Variants in XKR4 observed in about 807,000 individuals in gnomAD.
The protein encoded by XKR4 is XK related 4, also known as XK-related protein 4.
A neutral mutation model predicts 53.9 loss-of-function variants in XKR4; 12 were observed. The observed-to-expected ratio is 0.22, with a 90% CI of 0.14 to 0.36. The LOEUF (loss-of-function observed/expected upper bound fraction) is 0.36. Ranked by LOEUF, XKR4 falls within the 10% of genes least tolerant of loss-of-function variation. The pLI is 1.00. For synonymous variants in XKR4, 354 were observed against 362.4 expected (o/e 0.98, Z 0.26); for missense variants, 799 against 859.5 (o/e 0.93, Z 0.88).
intron 1 of XKR4, among the ~76,000 whole-genome samples, chr8:55,267,898 C>T (rs1022056565): frequency 2.0e-5 from 3 of 152,110 alleles, no homozygotes; most frequent in African/African-American, 7.2e-5. Flanking sequence ...TGTTTGCTGA[C>T]CTGCTGAATA....
intron 2 of XKR4, among the ~76,000 whole-genome samples, chr8:55,411,608 A>C (rs775866395): frequency 5.3e-5 from 8 of 152,212 alleles, no homozygotes; most frequent in Non-Finnish European, 8.8e-5. Context: ...GTTGTGGAAA[A>C]GAGATGAGTG....
intron 1 of XKR4, among the ~76,000 whole-genome samples, chr8:55,197,230 C>G (rs914048418): frequency 4.6e-5 from 7 of 152,138 alleles, no homozygotes; most frequent in Non-Finnish European, 1.0e-4. Context: ...TTCCATATAT[C>G]TATAATCTGA....
At chr8:55,454,733 A>G in intron 2 of XKR4, 1 of 803,058 alleles carries the variant, frequency 1.2e-6, no homozygotes, top group South Asian at 1.4e-5. Flanking sequence ...CTGTTCCTGA[A>G]CACCTCCGCA....
At chr8:55,180,975 A>G (rs1817302616) in intron 1 of XKR4, among the ~76,000 whole-genome samples, 1 of 152,222 alleles carries the variant, frequency 6.6e-6, no homozygotes, top group Admixed American at 6.5e-5. Context: ...TGAATGAATG[A>G]TGCCAATGAT....
In XKR4 at chr8:55,141,835, G is replaced by C. The variant is rs993271921; in HGVS notation, c.806+38541G>C. ...AAATGAGTTGACTTGGACTGAATTGGGGCTTTGAATCAAGCAGCTCTAAGG... is the reference window on the plus strand; with the variant it reads ...AAATGAGTTGACTTGGACTGAATTGCGGCTTTGAATCAAGCAGCTCTAAGG... On this transcript the variant is annotated intron_variant, in intron 1 of 2. Coordinates refer to ENST00000327381, the MANE Select transcript of XKR4 (RefSeq NM_052898.2). 1.3e-4 allele frequency among the ~76,000 whole-genome samples: 20 copies of C among 152,100 alleles called. 1 individual carries two copies. The highest frequency in any genetic ancestry group is 6.8e-3 in the Middle Eastern group (2 of 292).
chr8:55,183,372 T>C (rs1169528989), intron 1 of XKR4, among the ~76,000 whole-genome samples: 1 of 151,840 alleles, frequency 6.6e-6, no homozygotes, highest in Non-Finnish European at 1.5e-5. Context: ...TACTTTTCTC[T>C]TATCACTTTT....
intron 1 of XKR4, among the ~76,000 whole-genome samples, chr8:55,217,796 A>G (rs7005782): frequency 0.79 from 119,248 of 151,894 alleles, 49,074 homozygotes; most frequent in Non-Finnish European, 0.92. Flanking sequence ...ATACACACAG[A>G]TAAATGCATT....
At position 55,279,931 on chromosome 8, in the gene XKR4, A is replaced by C. The variant is rs188121590; in HGVS notation, c.807-77747A>C. The stretch of plus-strand genomic sequence containing the variant: ...TTAAATGTAAACCAATGATCATGCG[A>C]GGCTGAGATGAATAAGGGTTGACAA... On this transcript the variant is annotated intron_variant, in intron 1 of 2. Transcript: ENST00000327381. Among the ~76,000 whole-genome samples, 12 of 152,340 alleles carry C rather than the reference A, an allele frequency of 7.9e-5. 1 individual carries two copies. The East Asian group carries it at 2.3e-3, about 29-fold the overall frequency.
At chr8:55,463,020 A>C (rs1292135875) in intron 2 of XKR4, among the ~76,000 whole-genome samples, 1 of 152,214 alleles carries the variant, frequency 6.6e-6, no homozygotes, top group Non-Finnish European at 1.5e-5. Flanking sequence ...CCACACTATA[A>C]TAATGCGAGA....
intron 1 of XKR4, among the ~76,000 whole-genome samples, chr8:55,144,892 C>G (rs905394754): frequency 2.1e-5 from 3 of 143,884 alleles, no homozygotes; most frequent in Non-Finnish European, 3.1e-5. Context: ...AGTGCAGTGG[C>G]GCAATCTTGG....
chr8:55,209,445 C>T (rs1454299911), intron 1 of XKR4, among the ~76,000 whole-genome samples: 3 of 152,114 alleles, frequency 2.0e-5, no homozygotes, highest in Non-Finnish European at 2.9e-5. Context: ...CTCCAGAGCC[C>T]GTGCGCTTAA....
At chr8:55,158,989 T>C (rs74368810) in intron 1 of XKR4, among the ~76,000 whole-genome samples, 4,625 of 152,298 alleles carry the variant, frequency 0.03, 181 homozygotes, top group East Asian at 0.12. Flanking sequence ...ATATGAATTT[T>C]AAACGTTTTT....
intron 1 of XKR4, among the ~76,000 whole-genome samples, chr8:55,186,467 A>T (rs981060850): frequency 6.6e-6 from 1 of 152,114 alleles, no homozygotes; most frequent in Non-Finnish European, 1.5e-5. Context: ...CATCCTGGCT[A>T]ACATGGTGAA....
intron 2 of XKR4, among the ~76,000 whole-genome samples, chr8:55,385,145 T>C (rs1804290432): frequency 6.6e-6 from 1 of 152,170 alleles, no homozygotes; most frequent in South Asian, 2.1e-4. Flanking sequence ...AAGAAAGATA[T>C]AGGAGTCATT....
At chr8:55,452,109 A>C in intron 2 of XKR4, 1 of 688,728 alleles carries the variant, frequency 1.5e-6, no homozygotes, top group Non-Finnish European at 2.6e-6. Context: ...GCCCAGGGTG[A>C]AGGAGAAGGT....
At chr8:55,388,783 A>T (rs1040766508) in intron 2 of XKR4, among the ~76,000 whole-genome samples, 1 of 152,206 alleles carries the variant, frequency 6.6e-6, no homozygotes, top group Non-Finnish European at 1.5e-5. Flanking sequence ...CAATTAAAGG[A>T]TAGTGAGCTC....
At chr8:55,286,707 G>A (rs1818912283) in intron 1 of XKR4, among the ~76,000 whole-genome samples, 1 of 152,202 alleles carries the variant, frequency 6.6e-6, no homozygotes, top group Admixed American at 6.5e-5. Context: ...CAGGGAGGCT[G>A]TGCCCTTTTC....
chr8:55,315,276 G>A (rs531535084), intron 1 of XKR4, among the ~76,000 whole-genome samples: 1 of 152,340 alleles, frequency 6.6e-6, no homozygotes, highest in South Asian at 2.1e-4. Context: ...GGCACTAAAT[G>A]TCAGGTGTTC....
chr8:55,426,694 G>T (rs1805019667), intron 2 of XKR4, among the ~76,000 whole-genome samples: 2 of 152,114 alleles, frequency 1.3e-5, no homozygotes, highest in Non-Finnish European at 2.9e-5. Flanking sequence ...TTAAAAATAG[G>T]CTCTGATATT....
Sources: gnomAD v4.1 joint callset for allele counts (sites outside exome capture counted in the v4.1 genomes callset) on GRCh38, gnomAD v4.1.1 for gene constraint, MANE v1.5 for transcripts, NCBI Gene and HGNC (gene_info 2026-07-23, HGNC 2026-07-21) for gene names.